CFAP58: variants seen among roughly 807,000 people sequenced by gnomAD.
CFAP58 encodes the protein cilia- and flagella-associated protein 58.
CFAP58 carries 88 observed loss-of-function variants against 119.5 expected under a neutral mutation model. The ratio of observed to expected loss-of-function variants is 0.74; its 90% confidence interval spans 0.62 to 0.88. The LOEUF (loss-of-function observed/expected upper bound fraction) is 0.88, where lower values mean the gene tolerates loss of function less well. CFAP58 is among the 40% of genes least tolerant of loss of function. CFAP58 has a pLI of 0.00. For synonymous variants in CFAP58, 365 were observed against 366.3 expected (o/e 1.00, Z 0.04); for missense variants, 990 against 1,021.2 (o/e 0.97, Z 0.42).
chr10:104,418,697 A>T lies in CFAP58; in HGVS notation c.2256+11904A>T, dbSNP rs1039814007. 3.9e-5 allele frequency among the ~76,000 whole-genome samples: 6 copies of T among 152,322 alleles called. No homozygotes were observed. In the Middle Eastern group the frequency reaches 0.02, roughly 518 times the overall value. ...CCCCACTTCAGATACCAAAGTAATT[A>T]TTCAGTTATTAAGGAACTGCTTTAA... is the stretch of plus-strand genomic sequence containing the variant. On this transcript the variant is annotated intron_variant, in intron 15 of 17. Coordinates refer to ENST00000369704, the MANE Select transcript of CFAP58 (RefSeq NM_001008723.2).
In CFAP58 at chr10:104,368,406, C is replaced by T; in HGVS notation, c.793-17C>T. 6.2e-7 allele frequency: 1 copy of T among 1,612,952 alleles called. No homozygotes were observed. The highest frequency in any genetic ancestry group is 8.5e-7 in the Non-Finnish European group (1 of 1,179,544). The stretch of plus-strand genomic sequence containing the variant: ...TCAGATTAAAAAGCATTAACCAGCT[C>T]ATTCCATCCCTTTCAGATATTGAAT... On this transcript the variant is annotated splice_polypyrimidine_tract_variant and intron_variant, in intron 5 of 17. Coordinates refer to ENST00000369704, the MANE Select transcript of CFAP58 (RefSeq NM_001008723.2).
In CFAP58 at chr10:104,362,139, G is replaced by C. The variant is rs1418236848; in HGVS notation, c.408G>C (p.Gln136His). ...TGAACCTGACCAAACTAGTGGAGCA[G>C]GGGTCTGGACTGTCAATGGACCAGC... is the stretch of plus-strand genomic sequence containing the variant. Reference protein sequence around the residue: ...EIVNLTKLVEQGSGLSMDQHS... With the variant: ...EIVNLTKLVEHGSGLSMDQHS... The change falls in exon 3 of 18, where the codon CAG becomes CAC. Residue 136 changes from glutamine to histidine, a missense_variant. Coordinates refer to ENST00000369704, the MANE Select transcript of CFAP58 (RefSeq NM_001008723.2). The C allele has an allele frequency of 1.2e-6, 2 of 1,614,036 alleles. No individual in the cohort carries two copies. Among genetic ancestry groups the C allele is most frequent in the South Asian group, 2.2e-5 (2 of 91,066 alleles).
At chr10:104,410,736 A>G (rs2012446853) in intron 15 of CFAP58, among the ~76,000 whole-genome samples, 1 of 152,100 alleles carries the variant, frequency 6.6e-6, no homozygotes, top group African/African-American at 2.4e-5. Flanking sequence ...TATGTTCAGA[A>G]CACACTCCAT....
At chr10:104,416,566 G>A (rs547788036) in intron 15 of CFAP58, among the ~76,000 whole-genome samples, 1 of 152,148 alleles carries the variant, frequency 6.6e-6, no homozygotes, top group Admixed American at 6.5e-5. Flanking sequence ...TGTGCAGAGG[G>A]AACAAACCTC....
chr10:104,393,669 C>T (rs1299482736), intron 11 of CFAP58, among the ~76,000 whole-genome samples, 194 bp downstream of exon 11: 2 of 152,122 alleles, frequency 1.3e-5, no homozygotes, highest in African/African-American at 4.8e-5. Flanking sequence ...GGGCTCCTTA[C>T]AGGTAGTGCT....
chr10:104,442,647 A>C (rs981022159), intron 15 of CFAP58, among the ~76,000 whole-genome samples: 1 of 152,158 alleles, frequency 6.6e-6, no homozygotes, highest in Non-Finnish European at 1.5e-5. Flanking sequence ...CAGTATGTAC[A>C]TGCACATACA....
At chr10:104,445,278 G>A (rs1242813846) in intron 15 of CFAP58, among the ~76,000 whole-genome samples, 1 of 150,078 alleles carries the variant, frequency 6.7e-6, no homozygotes, top group African/African-American at 2.4e-5. Context: ...AGATATGATT[G>A]TGCCACTGTA....
At chr10:104,438,361 GTTTTTTT>G (rs1335704197) in intron 15 of CFAP58, among the ~76,000 whole-genome samples, 10 of 59,330 alleles carry the variant, frequency 1.7e-4, no homozygotes, top group Non-Finnish European at 2.5e-4. Context: ...TTTTTTTTTT[GTTTTTTT>G]TTTTTGTTTT....
At chr10:104,406,168 T>A (rs1211598569) in intron 14 of CFAP58, among the ~76,000 whole-genome samples, 1 of 152,192 alleles carries the variant, frequency 6.6e-6, no homozygotes, top group Non-Finnish European at 1.5e-5. Flanking sequence ...CCTCAGAGCA[T>A]AGGAATTGAG....
At chr10:104,366,265 A>G (rs949099233) in intron 5 of CFAP58, among the ~76,000 whole-genome samples, 4 of 152,150 alleles carry the variant, frequency 2.6e-5, no homozygotes, top group Non-Finnish European at 5.9e-5. Flanking sequence ...TACTACACAT[A>G]TAGACAAGTG....
At chr10:104,421,219 A>G (rs1400348059) in intron 15 of CFAP58, among the ~76,000 whole-genome samples, 2 of 152,202 alleles carry the variant, frequency 1.3e-5, no homozygotes, top group African/African-American at 4.8e-5. Context: ...ATGTAGAAGC[A>G]TACACCTTCT....
chr10:104,414,611 A>G (rs2012517400), intron 15 of CFAP58, among the ~76,000 whole-genome samples: 1 of 152,152 alleles, frequency 6.6e-6, no homozygotes, highest in Non-Finnish European at 1.5e-5. Flanking sequence ...TTCAGGGAAG[A>G]TGGGCTTTCT....
intron 15 of CFAP58, among the ~76,000 whole-genome samples, chr10:104,432,221 T>C (rs1273045876): frequency 1.3e-5 from 2 of 152,178 alleles, no homozygotes; most frequent in African/African-American, 4.8e-5. Context: ...GGAATAACAT[T>C]TGTAACAAAT....
chr10:104,400,902 A>C lies in CFAP58; in HGVS notation c.2038A>C (p.Arg680=), dbSNP rs767229427. 1 of 1,612,514 alleles carries C rather than the reference A, an allele frequency of 6.2e-7. No individual in the cohort carries two copies. Among genetic ancestry groups the C allele is most frequent in the Non-Finnish European group, 8.5e-7 (1 of 1,178,674 alleles). The change falls in exon 13 of 18, where the codon AGA becomes CGA. Residue 680 remains arginine, a splice_region_variant and synonymous_variant. Coordinates refer to ENST00000369704, the MANE Select transcript of CFAP58 (RefSeq NM_001008723.2). The stretch of plus-strand genomic sequence containing the variant: ...GAGTATGGCTAATGTTGAAGAACTC[A>C]GGTAATAGATTATAGAACTCAGGGC... ...ARSMANVEEL[R]QEFFHMQREL...
intron 15 of CFAP58, among the ~76,000 whole-genome samples, chr10:104,417,051 T>C (rs904718713): frequency 2.0e-5 from 3 of 152,256 alleles, no homozygotes; most frequent in Non-Finnish European, 4.4e-5. Flanking sequence ...CCCCTGAGGC[T>C]TAATGAATAA....
At chr10:104,391,923 G>A (rs1407354549) in intron 9 of CFAP58, among the ~76,000 whole-genome samples, 1 of 151,948 alleles carries the variant, frequency 6.6e-6, no homozygotes, top group Non-Finnish European at 1.5e-5. Flanking sequence ...CCCTTTTTTG[G>A]GGGTAGGGTG....
chr10:104,450,390 C>A (rs1049685249), intron 17 of CFAP58, among the ~76,000 whole-genome samples, 186 bp downstream of exon 17: 5 of 152,132 alleles, frequency 3.3e-5, no homozygotes, highest in African/African-American at 1.2e-4. Flanking sequence ...GATACTGAGT[C>A]CCCTCCTTGG....
chr10:104,448,229 A>T (rs1241638008), intron 16 of CFAP58, among the ~76,000 whole-genome samples: 1 of 152,180 alleles, frequency 6.6e-6, no homozygotes. Flanking sequence ...ATTCCATCCC[A>T]TCTGAAATAA....
At chr10:104,368,946 G>A (rs748970839) in intron 6 of CFAP58, among the ~76,000 whole-genome samples, 4 of 152,158 alleles carry the variant, frequency 2.6e-5, no homozygotes, top group Non-Finnish European at 5.9e-5. Context: ...CTGGGAGAGA[G>A]ACTGATACTA....
Sources: allele counts gnomAD v4.1 joint callset (sites outside exome capture counted in the v4.1 genomes callset), GRCh38; gene constraint gnomAD v4.1.1; transcripts MANE v1.5; gene names NCBI Gene and HGNC (gene_info 2026-07-23, HGNC 2026-07-21).